Variants in TRIM44 observed in about 807,000 individuals in gnomAD.
The protein encoded by TRIM44 is tripartite motif-containing protein 44.
TRIM44 carries 13 observed loss-of-function variants against 37.4 expected under a neutral mutation model. The observed-to-expected ratio is 0.35, with a 90% CI of 0.23 to 0.55. The LOEUF is 0.55. TRIM44 is among the 20% of genes least tolerant of loss of function. TRIM44 has a pLI of 0.89. For synonymous variants in TRIM44, 175 were observed against 157.2 expected (o/e 1.11, Z -0.85); for missense variants, 426 against 437.2 (o/e 0.97, Z 0.23).
At chr11:35,701,612 G>A (rs1851789924) in intron 2 of TRIM44, among the ~76,000 whole-genome samples, 1 of 152,226 alleles carries the variant, frequency 6.6e-6, no homozygotes, top group South Asian at 2.1e-4. Flanking sequence ...TTACAAGGTC[G>A]AGCTCCCAAG....
intron 4 of TRIM44, among the ~76,000 whole-genome samples, chr11:35,764,416 AG>A (rs1406898222): frequency 6.6e-6 from 1 of 152,176 alleles, no homozygotes; most frequent in Non-Finnish European, 1.5e-5. Flanking sequence ...ACATTAATTT[AG>A]TCGGAGAGGC....
intron 3 of TRIM44, among the ~76,000 whole-genome samples, chr11:35,730,167 A>C (rs1410996756): frequency 2.6e-5 from 4 of 152,218 alleles, no homozygotes; most frequent in Non-Finnish European, 4.4e-5. Context: ...AAGATATTAA[A>C]AAGTACCAAA....
At chr11:35,708,710 A>G (rs550857100) in intron 2 of TRIM44, among the ~76,000 whole-genome samples, 2 of 151,944 alleles carry the variant, frequency 1.3e-5, no homozygotes, top group African/African-American at 2.4e-5. Context: ...GAATTGAACA[A>G]TGAGAACACA....
intron 4 of TRIM44, among the ~76,000 whole-genome samples, chr11:35,775,870 G>T (rs1852950274): frequency 6.6e-6 from 1 of 152,150 alleles, no homozygotes; most frequent in South Asian, 2.1e-4. Flanking sequence ...GATTCGGTTT[G>T]CCAGTATTTT....
chr11:35,746,468 T>TTTG (rs1852493355), intron 4 of TRIM44, among the ~76,000 whole-genome samples: 1 of 149,446 alleles, frequency 6.7e-6, no homozygotes, highest in Non-Finnish European at 1.5e-5. Flanking sequence ...TTTTTTTTTT[T>TTTG]GTAGCTCTAT....
intron 4 of TRIM44, among the ~76,000 whole-genome samples, chr11:35,768,568 T>G (rs1009230801): frequency 1.3e-5 from 2 of 152,178 alleles, no homozygotes; most frequent in Non-Finnish European, 2.9e-5. Flanking sequence ...AAGATAGAAA[T>G]GAATTCTATG....
chr11:35,737,266 C>T (rs368579446), intron 4 of TRIM44, among the ~76,000 whole-genome samples: 9 of 152,222 alleles, frequency 5.9e-5, no homozygotes, highest in East Asian at 3.9e-4. Flanking sequence ...GGCATTTAAG[C>T]GCTATACTGA....
intron 2 of TRIM44, among the ~76,000 whole-genome samples, chr11:35,700,632 C>A (rs1022919523): frequency 1.3e-5 from 2 of 152,180 alleles, no homozygotes; most frequent in Non-Finnish European, 2.9e-5. Context: ...TCCTAAACAT[C>A]CCTCTCTTTA....
At chr11:35,667,306 G>T (rs1425762744) in intron 1 of TRIM44, among the ~76,000 whole-genome samples, 1 of 152,104 alleles carries the variant, frequency 6.6e-6, no homozygotes, top group Admixed American at 6.5e-5. Flanking sequence ...TAAAATCAGT[G>T]ATACATTCAT....
chr11:35,703,652 G>T (rs1314640656), intron 2 of TRIM44, among the ~76,000 whole-genome samples: 1 of 152,204 alleles, frequency 6.6e-6, no homozygotes, highest in South Asian at 2.1e-4. Flanking sequence ...AGGCAAACAG[G>T]ATCTGGAGTG....
At chr11:35,668,771 T>C (rs1851359869) in intron 1 of TRIM44, among the ~76,000 whole-genome samples, 1 of 152,264 alleles carries the variant, frequency 6.6e-6, no homozygotes, top group Non-Finnish European at 1.5e-5. Context: ...ATAGTATTTT[T>C]GACTATGGAC....
chr11:35,705,984 G>T (rs1332388646), intron 2 of TRIM44, among the ~76,000 whole-genome samples: 1 of 148,670 alleles, frequency 6.7e-6, no homozygotes, highest in Non-Finnish European at 1.5e-5. Context: ...CTGGTTTTTT[G>T]AAGGGATCAA....
chr11:35,752,442 A>G (rs557366836), intron 4 of TRIM44, among the ~76,000 whole-genome samples: 1 of 152,240 alleles, frequency 6.6e-6, no homozygotes, highest in Non-Finnish European at 1.5e-5. Flanking sequence ...AGAACACTGC[A>G]CTATGAATTA....
chr11:35,705,575 G>C (rs903087501), intron 2 of TRIM44, among the ~76,000 whole-genome samples: 1 of 151,930 alleles, frequency 6.6e-6, no homozygotes, highest in Admixed American at 6.6e-5. Flanking sequence ...TCAGACCACA[G>C]TGCAATCAAA....
At chr11:35,670,062 A>G (rs1001486206) in intron 1 of TRIM44, among the ~76,000 whole-genome samples, 2 of 152,054 alleles carry the variant, frequency 1.3e-5, no homozygotes, top group Non-Finnish European at 2.9e-5. Context: ...ACCTCAAATG[A>G]TCTACCCGCC....
At chr11:35,794,835 A>G (rs1030089572) in intron 4 of TRIM44, among the ~76,000 whole-genome samples, 1 of 152,258 alleles carries the variant, frequency 6.6e-6, no homozygotes, top group African/African-American at 2.4e-5. Flanking sequence ...ACCAGTGCCA[A>G]GCACATTACC....
At chr11:35,750,605 C>T (rs1377481712) in intron 4 of TRIM44, among the ~76,000 whole-genome samples, 1 of 152,080 alleles carries the variant, frequency 6.6e-6, no homozygotes, top group Non-Finnish European at 1.5e-5. Context: ...GACTCTTAAC[C>T]CCATCACATA....
intron 4 of TRIM44, among the ~76,000 whole-genome samples, chr11:35,763,779 G>T (rs1033730846): frequency 6.6e-5 from 10 of 152,116 alleles, no homozygotes; most frequent in Non-Finnish European, 1.2e-4. Context: ...CGTAGCCTTC[G>T]CTTTCTCCTT....
At chr11:35,789,553 G>A (rs1399891264) in intron 4 of TRIM44, among the ~76,000 whole-genome samples, 1 of 152,210 alleles carries the variant, frequency 6.6e-6, no homozygotes, top group Non-Finnish European at 1.5e-5. Flanking sequence ...AGGGTACTCA[G>A]TTAATAAGTA....
Sources: gnomAD v4.1 joint callset for allele counts (sites outside exome capture counted in the v4.1 genomes callset) on GRCh38, gnomAD v4.1.1 for gene constraint, MANE v1.5 for transcripts, NCBI Gene and HGNC (gene_info 2026-07-23, HGNC 2026-07-21) for gene names.